Variants in PPP2R2B observed in about 807,000 individuals in gnomAD.
PPP2R2B encodes serine/threonine-protein phosphatase 2A 55 kDa regulatory subunit B beta isoform.
In PPP2R2B, 5 loss-of-function variants were observed where a neutral mutation model predicts 46.0. That is an observed-to-expected ratio of 0.11 (90% confidence interval 0.06 to 0.23). The LOEUF (loss-of-function observed/expected upper bound fraction) is 0.23, where lower values mean the gene tolerates loss of function less well. Among genes scored for constraint, PPP2R2B ranks in the 10% least tolerant of loss-of-function variants. The pLI, the probability that PPP2R2B is intolerant of heterozygous loss-of-function variation, is 1.00. For missense variants in PPP2R2B, 367 were observed against 575.0 expected (o/e 0.64, Z 3.70); for synonymous variants, 215 against 206.7 (o/e 1.04, Z -0.34).
chr5:146,942,695 A>G (rs1464587953), intron 1 of PPP2R2B, among the ~76,000 whole-genome samples: 1 of 152,148 alleles, frequency 6.6e-6, no homozygotes, highest in Non-Finnish European at 1.5e-5. Flanking sequence ...AAGTATTAGT[A>G]TGATATATGT....
At chr5:146,732,276 T>C (rs76995085) in intron 2 of PPP2R2B, among the ~76,000 whole-genome samples, 3,536 of 152,326 alleles carry the variant, frequency 0.023, 64 homozygotes, top group Non-Finnish European at 0.032. Flanking sequence ...CTAATGCACA[T>C]ACATTGATAA....
At chr5:146,618,361 A>C (rs937102976) in intron 7 of PPP2R2B, among the ~76,000 whole-genome samples, 3 of 152,216 alleles carry the variant, frequency 2.0e-5, no homozygotes, top group African/African-American at 7.2e-5. Context: ...AGCCTCCAGA[A>C]AGGAGCACAG....
upstream of PPP2R2B, among the ~76,000 whole-genome samples, chr5:146,879,670 C>A (rs1762099036): frequency 6.6e-6 from 1 of 152,136 alleles, no homozygotes; most frequent in African/African-American, 2.4e-5. Flanking sequence ...TCCCTCCCCA[C>A]CCATGTTTTC....
chr5:146,762,961 CCT>C (rs899466069), intron 2 of PPP2R2B, among the ~76,000 whole-genome samples: 2 of 152,200 alleles, frequency 1.3e-5, no homozygotes, highest in African/African-American at 4.8e-5. Flanking sequence ...TCTAGTTGAG[CCT>C]CTGTCATTTG....
Position 146,587,671 on chromosome 5 carries a change from T to C in PPP2R2B, c.*2276A>G, listed in dbSNP as rs956061773. 6.6e-6 allele frequency: 1 copy of C among 152,208 alleles called. No individual in the cohort carries two copies. The highest frequency in any genetic ancestry group is 2.4e-5 in the African/African-American group (1 of 41,454). 9.4% of individuals were successfully genotyped at this position (152,208 alleles called of 1,614,324 possible). ...TCAGGGTCCCAAAGTTTGATACACA[T>C]GCTCCTGGTGGTTCACAAAATGATT... is the stretch of plus-strand genomic sequence containing the variant. On this transcript the variant is annotated 3_prime_UTR_variant, in exon 10 of 10. Transcript: ENST00000394411.
chr5:146,920,276 T>TAGTG (rs1028544447), intron 1 of PPP2R2B, among the ~76,000 whole-genome samples: 1 of 152,034 alleles, frequency 6.6e-6, no homozygotes, highest in African/African-American at 2.4e-5. Flanking sequence ...CCGTAATAAC[T>TAGTG]AGTGACATGG....
chr5:146,740,573 TCACACACA>T (rs3995489), intron 2 of PPP2R2B, among the ~76,000 whole-genome samples: 41,657 of 137,870 alleles, frequency 0.3, 6,484 homozygotes, highest in Middle Eastern at 0.45. Context: ...TAAAATGAGA[TCACACACA>T]CACACACACA....
chr5:146,615,515 TA>T (rs1364774106), intron 7 of PPP2R2B, among the ~76,000 whole-genome samples: 8,880 of 70,992 alleles, frequency 0.13, 633 homozygotes, highest in African/African-American at 0.31. Context: ...AAAAAAAAAT[TA>T]AAAAAAAAAA....
chr5:146,778,132 A>T (rs916685023), intron 2 of PPP2R2B, among the ~76,000 whole-genome samples: 2 of 152,176 alleles, frequency 1.3e-5, no homozygotes, highest in Non-Finnish European at 1.5e-5. Context: ...GAAAATGGCA[A>T]TTTGGGTTCC....
intron 1 of PPP2R2B, among the ~76,000 whole-genome samples, chr5:146,982,472 A>G (rs1306174711): frequency 6.6e-6 from 1 of 152,156 alleles, no homozygotes; most frequent in Non-Finnish European, 1.5e-5. Context: ...GTTATGGTCT[A>G]GGTCCCACAG....
intron 2 of PPP2R2B, among the ~76,000 whole-genome samples, chr5:146,736,054 A>T (rs922132837): frequency 1.3e-5 from 2 of 152,140 alleles, no homozygotes; most frequent in Non-Finnish European, 2.9e-5. Context: ...TAATTGAATC[A>T]TGGGAGCAGT....
intron 1 of PPP2R2B, among the ~76,000 whole-genome samples, chr5:147,029,015 C>T (rs1191387655): frequency 6.6e-6 from 1 of 152,100 alleles, no homozygotes; most frequent in African/African-American, 2.4e-5. Context: ...CAGAGTCTTT[C>T]TTATTTGTAG....
At chr5:146,754,976 G>A (rs1244586355) in intron 2 of PPP2R2B, among the ~76,000 whole-genome samples, 1 of 152,192 alleles carries the variant, frequency 6.6e-6, no homozygotes, top group African/African-American at 2.4e-5. Flanking sequence ...CTCTCAGAAA[G>A]TGTGAGAGAT....
At chr5:146,827,384 T>C (rs527833204) in intron 2 of PPP2R2B, among the ~76,000 whole-genome samples, 1 of 152,030 alleles carries the variant, frequency 6.6e-6, no homozygotes, top group South Asian at 2.1e-4. Context: ...AGGCATAGAG[T>C]AAGGTAAAAT....
At chr5:146,796,108 A>C (rs891936864) in intron 2 of PPP2R2B, among the ~76,000 whole-genome samples, 6 of 152,170 alleles carry the variant, frequency 3.9e-5, no homozygotes, top group Non-Finnish European at 8.8e-5. Context: ...AAACAATGGT[A>C]CACCAACAGA....
intron 7 of PPP2R2B, among the ~76,000 whole-genome samples, chr5:146,637,248 G>A (rs1774884763): frequency 6.6e-6 from 1 of 152,140 alleles, no homozygotes; most frequent in African/African-American, 2.4e-5. Flanking sequence ...TGAATGAATT[G>A]TAGTCTAGAT....
At chr5:146,980,867 C>A (rs563750096) in intron 1 of PPP2R2B, among the ~76,000 whole-genome samples, 1 of 152,066 alleles carries the variant, frequency 6.6e-6, no homozygotes, top group Non-Finnish European at 1.5e-5. Context: ...TTTAAAAACT[C>A]TATATCCTTA....
chr5:146,895,205 T>C (rs1170779888), intron 1 of PPP2R2B, among the ~76,000 whole-genome samples: 2 of 152,204 alleles, frequency 1.3e-5, no homozygotes, highest in Admixed American at 6.5e-5. Flanking sequence ...TGTTTCTTCT[T>C]CATTCACCCA....
At chr5:146,781,143 T>G (rs1362635230) in intron 2 of PPP2R2B, among the ~76,000 whole-genome samples, 3 of 61,616 alleles carry the variant, frequency 4.9e-5, no homozygotes, top group African/African-American at 1.5e-4. Context: ...TATATATATA[T>G]ATATATATAT....
Sources: allele counts gnomAD v4.1 joint callset (sites outside exome capture counted in the v4.1 genomes callset), GRCh38; gene constraint gnomAD v4.1.1; transcripts MANE v1.5; gene names NCBI Gene and HGNC (gene_info 2026-07-23, HGNC 2026-07-21).